Variants in TAOK3 observed in about 807,000 individuals in gnomAD.
TAOK3 encodes serine/threonine-protein kinase TAO3.
TAOK3 carries 40 observed loss-of-function variants against 120.4 expected under a neutral mutation model. That is an observed-to-expected ratio of 0.33 (90% CI 0.26 to 0.43). The LOEUF (loss-of-function observed/expected upper bound fraction) is 0.43, where lower values mean the gene tolerates loss of function less well. TAOK3 is among the 20% of genes least tolerant of loss of function. TAOK3 has a pLI of 1.00. For synonymous variants in TAOK3, 355 were observed against 387.5 expected, an observed-to-expected ratio of 0.92 and a Z score of 0.99; for missense variants, 821 against 1,112.1, an observed-to-expected ratio of 0.74 and a Z score of 3.72.
At chr12:118,365,149 C>T (rs1410420193) in intron 1 of TAOK3, among the ~76,000 whole-genome samples, 1 of 152,228 alleles carries the variant, frequency 6.6e-6, no homozygotes, top group East Asian at 1.9e-4. Context: ...TCTCCTTCCA[C>T]TGTATCTTGC....
chr12:118,169,687 G>A (rs2035873172), intron 17 of TAOK3, among the ~76,000 whole-genome samples: 1 of 151,896 alleles, frequency 6.6e-6, no homozygotes, highest in Non-Finnish European at 1.5e-5. Context: ...CTAGTGTTAA[G>A]CCCTAGAAAT....
In TAOK3 at chr12:118,203,665, T is replaced by C. The variant is rs1323700739; in HGVS notation, c.820-2202A>G. On this transcript the variant is annotated intron_variant, in intron 11 of 20. Coordinates refer to ENST00000392533, the MANE Select transcript of TAOK3 (RefSeq NM_016281.4). ...GTTACGGTAAGCTGAGATCACACCA[T>C]TGCACTCCAGCCTGGGCAAAAAGAG... Among the ~76,000 whole-genome samples the C allele has an allele frequency of 6.0e-5, 9 of 148,770 alleles. No homozygotes were observed. In the Admixed American group the frequency reaches 6.1e-4, roughly 10 times the overall value.
At position 118,372,259 on chromosome 12, in the gene TAOK3, CGCTGTCCCT is replaced by C. The variant is rs2045921953; in HGVS notation, c.-194+380_-194+388del. On this transcript the variant is annotated intron_variant, in intron 1 of 20. Coordinates refer to ENST00000392533, the MANE Select transcript of TAOK3 (RefSeq NM_016281.4). This position sits in a 1 kb window ranked among gnomAD's most constrained non-coding sequence, Gnocchi z 4.6. Reference sequence around the variant, plus strand: ...CTCTCGGGGACCCTTCCCCTCTCCCCGCTGTCCCTGACCTTTTCTGGGACCTGGTCCTTC... The same window carrying C: ...CTCTCGGGGACCCTTCCCCTCTCCCCGACCTTTTCTGGGACCTGGTCCTTC... 6.6e-6 allele frequency among the ~76,000 whole-genome samples: 1 copy of C among 151,578 alleles called. No homozygotes were observed. The highest frequency in any genetic ancestry group is 6.6e-5 in the Admixed American group (1 of 15,226).
intron 2 of TAOK3, among the ~76,000 whole-genome samples, chr12:118,266,284 C>T (rs774268758): frequency 3.3e-5 from 5 of 152,140 alleles, no homozygotes; most frequent in Non-Finnish European, 5.9e-5. Flanking sequence ...CCTCTGCCTC[C>T]TGGGTTCAAC....
chr12:118,226,959 G>A (rs893937671), intron 9 of TAOK3, among the ~76,000 whole-genome samples: 6 of 152,086 alleles, frequency 3.9e-5, no homozygotes, highest in African/African-American at 1.4e-4. Context: ...AAAATCTGAT[G>A]TGATGATGAT....
intron 11 of TAOK3, among the ~76,000 whole-genome samples, chr12:118,206,637 G>T (rs1489726317): frequency 6.6e-6 from 1 of 151,130 alleles, no homozygotes; most frequent in Non-Finnish European, 1.5e-5. Flanking sequence ...TTGCTGTGTC[G>T]CCAGGCTGGA....
intron 2 of TAOK3, among the ~76,000 whole-genome samples, chr12:118,259,969 T>C (rs1463912933): frequency 1.3e-5 from 2 of 152,134 alleles, no homozygotes; most frequent in Non-Finnish European, 2.9e-5. Flanking sequence ...CTATAGTACC[T>C]ATAGCTCAAA....
At chr12:118,229,103 CT>C (rs966141459) in intron 9 of TAOK3, among the ~76,000 whole-genome samples, 16 of 146,652 alleles carry the variant, frequency 1.1e-4, no homozygotes, top group Middle Eastern at 3.4e-3. Context: ...CTTTTTTTTC[CT>C]TTTTTTTTTG....
intron 17 of TAOK3, among the ~76,000 whole-genome samples, chr12:118,164,289 T>C (rs1438450327): frequency 3.3e-5 from 5 of 150,700 alleles, no homozygotes; most frequent in Non-Finnish European, 5.9e-5. Context: ...ATCGCGCCAC[T>C]GCACTCCAGC....
intron 13 of TAOK3, among the ~76,000 whole-genome samples, chr12:118,194,150 G>A (rs1439425144): frequency 1.3e-5 from 2 of 152,160 alleles, no homozygotes; most frequent in African/African-American, 4.8e-5. Context: ...ACAGCGGGGT[G>A]CGGGGGGATG....
intron 6 of TAOK3, 108 bp downstream of exon 6, chr12:118,239,119 C>A: frequency 1.4e-6 from 1 of 730,466 alleles, no homozygotes; most frequent in Non-Finnish European, 2.4e-6. Context: ...CACCCTAAAG[C>A]TCAAGCCATC....
intron 11 of TAOK3, among the ~76,000 whole-genome samples, chr12:118,211,597 A>T (rs1030855200): frequency 3.6e-5 from 5 of 140,558 alleles, no homozygotes; most frequent in African/African-American, 1.3e-4. Context: ...CATCGCCCAA[A>T]TTTATTCATA....
At chr12:118,249,009 GGA>G (rs926353250) in intron 3 of TAOK3, among the ~76,000 whole-genome samples, 11 of 152,162 alleles carry the variant, frequency 7.2e-5, no homozygotes, top group Non-Finnish European at 1.6e-4. Flanking sequence ...TACAGAAAAA[GGA>G]GAGTATCAAT....
intron 1 of TAOK3, among the ~76,000 whole-genome samples, chr12:118,283,265 G>A (rs2042157499): frequency 6.6e-6 from 1 of 152,196 alleles, no homozygotes; most frequent in South Asian, 2.1e-4. Context: ...CATAAAATAT[G>A]TATACAGATA....
chr12:118,214,137 G>T (rs1407594353), intron 9 of TAOK3, 27 bp from the exon 10 acceptor site: 10 of 1,577,834 alleles, frequency 6.3e-6, no homozygotes, highest in Non-Finnish European at 7.8e-6. Context: ...ACACAATAAA[G>T]TAGTTCTTGA....
chr12:118,201,478 A>G lies in TAOK3; in HGVS notation c.820-15T>C. 1 of 1,594,192 alleles carries G rather than the reference A, an allele frequency of 6.3e-7. No homozygotes were observed. Among genetic ancestry groups the G allele is most frequent in the Non-Finnish European group, 8.6e-7 (1 of 1,169,474 alleles). On this transcript the variant is annotated splice_polypyrimidine_tract_variant and intron_variant, in intron 11 of 20. Transcript: ENST00000392533. ...ACAAAGTCATGCTGATTGAGGGAGGAGGAAAAAATAAACTGATAATGAAGA... is the reference window on the plus strand; with the variant it reads ...ACAAAGTCATGCTGATTGAGGGAGGGGGAAAAAATAAACTGATAATGAAGA...
chr12:118,152,211 G>A lies in TAOK3; in HGVS notation c.2535+16C>T. On this transcript the variant is annotated intron_variant, in intron 20 of 20. Transcript: ENST00000392533. ...TTCCACCCAGTGGCACCGGACCCCT[G>A]GTAATGCTCCCTTACCTTCTGCTCA... is the stretch of plus-strand genomic sequence containing the variant. The A allele has an allele frequency of 1.2e-6, 2 of 1,604,730 alleles. No homozygotes were observed. The highest frequency in any genetic ancestry group is 1.7e-5 in the Admixed American group (1 of 59,822).
intron 2 of TAOK3, among the ~76,000 whole-genome samples, chr12:118,266,324 C>T (rs2041447019): frequency 1.3e-5 from 2 of 151,840 alleles, no homozygotes; most frequent in African/African-American, 2.4e-5. Flanking sequence ...TCCCCAGTAG[C>T]TGGGACTACA....
chr12:118,154,127 T>C (rs758999461), intron 19 of TAOK3, among the ~76,000 whole-genome samples: 2 of 152,208 alleles, frequency 1.3e-5, no homozygotes, highest in African/African-American at 2.4e-5. Context: ...CCTCTTGATA[T>C]GGGAGGTTCC....
Sources: allele counts gnomAD v4.1 joint callset (sites outside exome capture counted in the v4.1 genomes callset), GRCh38; gene constraint gnomAD v4.1.1; non-coding constraint Gnocchi (gnomAD v3.1); transcripts MANE v1.5; gene names NCBI Gene and HGNC (gene_info 2026-07-23, HGNC 2026-07-21).